Variants in TENM3 observed in about 807,000 individuals in gnomAD.
TENM3 encodes teneurin-3.
In TENM3, 63 loss-of-function variants were observed where a neutral mutation model predicts 255.1. That is an observed-to-expected ratio of 0.25 (90% CI 0.20 to 0.30). TENM3 has a LOEUF of 0.30. Among genes scored for constraint, TENM3 ranks in the 10% least tolerant of loss-of-function variants. The pLI is 1.00. For missense variants in TENM3, 2,929 were observed against 3,461.1 expected (o/e 0.85, Z 3.86); for synonymous variants, 1,306 against 1,322.3 (o/e 0.99, Z 0.27).
the TENM3 span, among the ~76,000 whole-genome samples, chr4:181,661,905 T>TAAAA: frequency 2.3e-4 from 31 of 133,958 alleles, no homozygotes; most frequent in African/African-American, 3.3e-4. Flanking sequence ...TGGCAGTTTG[T>TAAAA]AAAAAAAAAA....
At chr4:182,173,695 C>G (rs947498669) in intron 1 of TENM3, among the ~76,000 whole-genome samples, 1 of 152,010 alleles carries the variant, frequency 6.6e-6, no homozygotes, top group Admixed American at 6.6e-5. Flanking sequence ...ATCATCTGCC[C>G]GTGAACTTGA....
the TENM3 span, among the ~76,000 whole-genome samples, chr4:181,955,783 A>G: frequency 6.6e-6 from 1 of 152,190 alleles, no homozygotes; most frequent in South Asian, 2.1e-4. Flanking sequence ...GCATAGGGTC[A>G]CTGCTAGATA....
the TENM3 span, among the ~76,000 whole-genome samples, chr4:181,904,292 C>T: frequency 1.3e-5 from 2 of 151,980 alleles, no homozygotes; most frequent in African/African-American, 4.8e-5. Flanking sequence ...CTTTCTTCCC[C>T]AGAGCCTATG....
chr4:181,541,169 C>A, the TENM3 span, among the ~76,000 whole-genome samples: 2 of 151,878 alleles, frequency 1.3e-5, no homozygotes, highest in Non-Finnish European at 2.9e-5. Context: ...AGCTCAGGGG[C>A]TGGAGACCAG....
chr4:182,704,558 G>A (rs1375085888), intron 12 of TENM3, among the ~76,000 whole-genome samples: 1 of 152,108 alleles, frequency 6.6e-6, no homozygotes, highest in East Asian at 1.9e-4. Flanking sequence ...ACTTAAATCA[G>A]GAAAAATATT....
At chr4:182,421,401 T>C (rs1316695327) in intron 3 of TENM3, among the ~76,000 whole-genome samples, 2 of 152,176 alleles carry the variant, frequency 1.3e-5, no homozygotes, top group African/African-American at 4.8e-5. Context: ...TACTCTTTCC[T>C]CTAGATCAAC....
chr4:182,680,688 G>A lies in TENM3; in HGVS notation c.1785G>A (p.Met595Ile). 3 of 1,596,712 alleles carry A rather than the reference G, an allele frequency of 1.9e-6. No homozygotes were observed. Among genetic ancestry groups the A allele is most frequent in the South Asian group, 1.1e-5 (1 of 88,642 alleles). ...PQCGGRGICI[M>I]GSCACNSGYK... is the part of the protein sequence containing the mutation. ...GTGGGGGTCGTGGGATTTGTATCAT[G>A]GGCTCTTGTGCTTGCAACTCAGGAT... The change falls in exon 10 of 28, where the codon ATG (methionine) becomes ATA (isoleucine). Residue 595 changes from methionine to isoleucine, a missense_variant. Around this residue, in one of 6 missense-constraint regions of TENM3, gnomAD observed 1,608 missense variants for 1,884.4 expected, o/e 0.85. Coordinates refer to ENST00000511685, the MANE Select transcript of TENM3 (RefSeq NM_001080477.4).
At chr4:182,565,632 A>G (rs910794007) in intron 3 of TENM3, among the ~76,000 whole-genome samples, 1 of 152,208 alleles carries the variant, frequency 6.6e-6, no homozygotes, top group African/African-American at 2.4e-5. Context: ...AAATCACAGT[A>G]CTATAAATTT....
At position 182,335,494 on chromosome 4, in the gene TENM3, CAAAAAAAAAAAAAAAA is replaced by C. The variant is rs372965020; in HGVS notation, c.233-11147_233-11132del. ...TGGGCGACAGAGCGAGACTCCGCCT[CAAAAAAAAAAAAAAAA>C]AAAAAAAAAGACGAAGCATTTGCCA... On this transcript the variant is annotated intron_variant, in intron 2 of 27. Coordinates refer to ENST00000511685, the MANE Select transcript of TENM3 (RefSeq NM_001080477.4). Among the ~76,000 whole-genome samples, 9 of 52,402 alleles carry C rather than the reference CAAAAAAAAAAAAAAAA, an allele frequency of 1.7e-4. No homozygotes were observed. In the South Asian group the frequency reaches 0.011, roughly 66 times the overall value. 34.4% of individuals were successfully genotyped at this position (52,402 alleles called of 152,430 possible).
chr4:182,709,594 C>G (rs1007487862), intron 12 of TENM3, among the ~76,000 whole-genome samples: 2 of 151,998 alleles, frequency 1.3e-5, no homozygotes, highest in Non-Finnish European at 1.5e-5. Flanking sequence ...TATATTGTTG[C>G]AATTATTACT....
At chr4:182,549,273 C>T (rs1216927392) in intron 3 of TENM3, among the ~76,000 whole-genome samples, 5 of 152,192 alleles carry the variant, frequency 3.3e-5, no homozygotes, top group Non-Finnish European at 5.9e-5. Flanking sequence ...AGAATTAATA[C>T]TGTTCAAAGG....
chr4:182,485,940 C>T (rs144139614), intron 3 of TENM3, among the ~76,000 whole-genome samples: 1 of 152,176 alleles, frequency 6.6e-6, no homozygotes, highest in East Asian at 1.9e-4. Flanking sequence ...TTAGGGGATT[C>T]TATAGAGACC....
the TENM3 span, among the ~76,000 whole-genome samples, chr4:181,607,758 C>T: frequency 2.0e-5 from 3 of 152,144 alleles, no homozygotes; most frequent in East Asian, 3.9e-4. Flanking sequence ...TGGCCAGCGC[C>T]GCTCTAGATC....
intron 3 of TENM3, among the ~76,000 whole-genome samples, chr4:182,499,924 A>G (rs1736157902): frequency 6.6e-6 from 1 of 152,194 alleles, no homozygotes; most frequent in Non-Finnish European, 1.5e-5. Flanking sequence ...TAAAGTATTT[A>G]TGTGATTTTA....
the TENM3 span, among the ~76,000 whole-genome samples, chr4:182,042,350 A>G: frequency 6.6e-6 from 1 of 152,158 alleles, no homozygotes; most frequent in Non-Finnish European, 1.5e-5. Context: ...AGGGCTTTCC[A>G]TAAAATGGAA....
Position 182,792,132 on chromosome 4 carries a change from C to CAACA in TENM3, c.5602-141_5602-138dup. Reference sequence around the variant, plus strand: ...AGCAAATTAGGCAGAGAAACGTTAACAACACGCAAGGTCAAGGATAACTCA... The same window carrying CAACA: ...AGCAAATTAGGCAGAGAAACGTTAACAACAAACACGCAAGGTCAAGGATAACTCA... On this transcript the variant is annotated intron_variant, in intron 25 of 27. Coordinates refer to ENST00000511685, the MANE Select transcript of TENM3 (RefSeq NM_001080477.4). This position sits in a 1 kb window ranked among gnomAD's most constrained non-coding sequence, Gnocchi z 6.3. 1.2e-6 allele frequency: 1 copy of CAACA among 817,590 alleles called. No individual in the cohort carries two copies. The allele number at this position is 817,590 out of a possible 1,614,324, so 50.6% of individuals were successfully genotyped here.
chr4:182,309,587 A>G (rs1762322512), intron 1 of TENM3, among the ~76,000 whole-genome samples: 2 of 152,256 alleles, frequency 1.3e-5, no homozygotes, highest in African/African-American at 4.8e-5. Flanking sequence ...AACATTAGAC[A>G]TGAAATCATT....
chr4:181,685,838 C>G, the TENM3 span, among the ~76,000 whole-genome samples: 2 of 152,164 alleles, frequency 1.3e-5, no homozygotes, highest in Non-Finnish European at 2.9e-5. Flanking sequence ...TTGCCAATCT[C>G]AGAAACCCCT....
the TENM3 span, among the ~76,000 whole-genome samples, chr4:182,098,841 C>CA: frequency 2.0e-5 from 3 of 151,592 alleles, no homozygotes; most frequent in East Asian, 5.8e-4. Context: ...TTCTCAACAC[C>CA]AAAAAATGAT....
Sources: allele counts gnomAD v4.1 joint callset (sites outside exome capture counted in the v4.1 genomes callset), GRCh38; gene constraint gnomAD v4.1.1; regional missense constraint gnomAD v4.1.1; non-coding constraint Gnocchi (gnomAD v3.1); transcripts MANE v1.5; gene names NCBI Gene and HGNC (gene_info 2026-07-23, HGNC 2026-07-21).